ZNF705B: variants seen among roughly 807,000 people sequenced by gnomAD.
ZNF705B encodes the protein Putative zinc finger protein 705D-like protein LOC100132396.
In ZNF705B, 1 loss-of-function variant was observed where a neutral mutation model predicts 10.5. The observed-to-expected ratio is 0.10, with a 90% CI of 0.03 to 0.45. The LOEUF is 0.45. Ranked by LOEUF, ZNF705B falls within the 20% of genes least tolerant of loss-of-function variation. The probability of loss-of-function intolerance (pLI) is 0.97; values close to 1 mark genes in which losing one functional copy is unlikely to be tolerated. For synonymous variants in ZNF705B, 4 were observed against 25.4 expected (o/e 0.16, Z 2.53); for missense variants, 14 against 84.0 (o/e 0.17, Z 3.26).
chr8:7,928,088 C>G (rs543556320), intron 1 of ZNF705B, among the ~76,000 whole-genome samples: 1 of 119,704 alleles, frequency 8.4e-6, no homozygotes, highest in East Asian at 2.4e-4. Flanking sequence ...AGTCCAAGAT[C>G]AAGACACCGG....
chr8:7,931,304 T>A (rs1188721580), intron 2 of ZNF705B, among the ~76,000 whole-genome samples: 6 of 121,616 alleles, frequency 4.9e-5, no homozygotes, highest in African/African-American at 1.5e-4. Flanking sequence ...CATGGCAACA[T>A]GATGGACAGA....
At position 7,932,283 on chromosome 8, in the gene ZNF705B, C is replaced by T. The variant is rs547048881; in HGVS notation, c.-72+1847C>T. On this transcript the variant is annotated intron_variant, in intron 2 of 6. Coordinates refer to ENST00000400120, the MANE Select transcript of ZNF705B (RefSeq NM_001193630.1). ...TAAGCTGATTCTGGCTGGGCTGCTGCTTCATTTTCCTTTCCTTCCATGCCT... is the reference window on the plus strand; with the variant it reads ...TAAGCTGATTCTGGCTGGGCTGCTGTTTCATTTTCCTTTCCTTCCATGCCT... Among the ~76,000 whole-genome samples, 12 of 120,962 alleles carry T rather than the reference C, an allele frequency of 9.9e-5. 3 individuals are homozygous for T. The highest frequency in any genetic ancestry group is 2.0e-4 in the Non-Finnish European group (10 of 50,482). The allele number at this position is 120,962 out of a possible 152,430, so 79.4% of individuals were successfully genotyped here. A position where few individuals can be genotyped will look rare whatever the true frequency, so the allele number is the denominator to read the frequency against.
chr8:7,930,262 C>A (rs1206666136), intron 1 of ZNF705B, 25 bp from the exon 2 acceptor site: 1 of 111,084 alleles, frequency 9.0e-6, no homozygotes, highest in Non-Finnish European at 2.1e-5. Context: ...GTTAGTTTCC[C>A]AGCTGAATTC....
At chr8:7,930,846 G>GT (rs5889212) in intron 2 of ZNF705B, among the ~76,000 whole-genome samples, 8,190 of 71,320 alleles carry the variant, frequency 0.11, 884 homozygotes, top group African/African-American at 0.14. Flanking sequence ...TATTTTTTTT[G>GT]TTTTTTTTTT....
intron 2 of ZNF705B, among the ~76,000 whole-genome samples, chr8:7,937,009 G>C (rs1490209334): frequency 8.3e-6 from 1 of 120,072 alleles, no homozygotes; most frequent in African/African-American, 2.6e-5. Flanking sequence ...TGTAAACCTT[G>C]TGTATTGCAT....
intron 1 of ZNF705B, among the ~76,000 whole-genome samples, chr8:7,929,685 TGTC>T (rs1160951790): frequency 8.5e-6 from 1 of 117,568 alleles, no homozygotes; most frequent in African/African-American, 2.5e-5. Flanking sequence ...GCTGAATTGT[TGTC>T]GTTGTTGTTG....
chr8:7,930,138 C>T (rs1251289443), intron 1 of ZNF705B, 149 bp from the exon 2 acceptor site: 1 of 115,636 alleles, frequency 8.6e-6, no homozygotes, highest in East Asian at 2.5e-4. Context: ...ACTCCTCCCT[C>T]CACCCTCTAG....
chr8:7,931,701 T>A (rs531085382), intron 2 of ZNF705B, among the ~76,000 whole-genome samples: 1 of 130,238 alleles, frequency 7.7e-6, no homozygotes, highest in Non-Finnish European at 1.8e-5. Context: ...GTGGCCCTGC[T>A]CCTGGGGGTC....
intron 1 of ZNF705B, 94 bp from the exon 2 acceptor site, chr8:7,930,193 T>G (rs1819804629): frequency 1.7e-5 from 2 of 118,956 alleles, no homozygotes; most frequent in Non-Finnish European, 4.0e-5. Flanking sequence ...CCATGTCTGC[T>G]CAATGCTTAC....
At chr8:7,931,527 G>A (rs1416654737) in intron 2 of ZNF705B, among the ~76,000 whole-genome samples, 1 of 122,134 alleles carries the variant, frequency 8.2e-6, no homozygotes, top group African/African-American at 2.5e-5. Flanking sequence ...GCATGCACAG[G>A]TGCCAATGAC....
chr8:7,931,780 T>G (rs1426733231), intron 2 of ZNF705B, among the ~76,000 whole-genome samples: 26 of 130,886 alleles, frequency 2.0e-4, no homozygotes, highest in Non-Finnish European at 3.7e-4. Flanking sequence ...CTGCTTCAGC[T>G]CCCTTTGTTC....
At chr8:7,940,412 C>G (rs1434642020) in intron 2 of ZNF705B, among the ~76,000 whole-genome samples, 2 of 135,350 alleles carry the variant, frequency 1.5e-5, no homozygotes, top group Non-Finnish European at 3.3e-5. Context: ...AGTCCCCTCC[C>G]CTTTATTATT....
At chr8:7,936,905 A>G (rs1563081469) in intron 2 of ZNF705B, among the ~76,000 whole-genome samples, 4 of 119,528 alleles carry the variant, frequency 3.3e-5, no homozygotes, top group Admixed American at 2.9e-4. Context: ...ATTACAAAAG[A>G]CTTTTTAAAA....
chr8:7,936,530 A>G (rs1213503984), intron 2 of ZNF705B, among the ~76,000 whole-genome samples: 2 of 119,936 alleles, frequency 1.7e-5, no homozygotes, highest in Non-Finnish European at 4.0e-5. Context: ...GTCACGGAAT[A>G]CTATGCATCC....
chr8:7,926,795 C>T lies in ZNF705B; in HGVS notation c.-222+398C>T, dbSNP rs1441760606. Among the ~76,000 whole-genome samples the T allele has an allele frequency of 4.2e-5, 5 of 117,680 alleles. 1 individual carries two copies. The highest frequency in any genetic ancestry group is 6.1e-5 in the Non-Finnish European group (3 of 49,398). 77.2% of individuals were successfully genotyped at this position (117,680 alleles called of 152,430 possible). On this transcript the variant is annotated intron_variant, in intron 1 of 6. Transcript: ENST00000400120. ...TGCACGACCCTGTTCATTCTCTAAA[C>T]CTCAAGCTCTATTGCTGTCAAACAC... is the stretch of plus-strand genomic sequence containing the variant.
chr8:7,934,573 TG>T (rs1227896185), intron 2 of ZNF705B: 2 of 677,764 alleles, frequency 3.0e-6, no homozygotes, highest in African/African-American at 2.0e-5. Flanking sequence ...AATTTGCCCT[TG>T]GCTACATGCA....
chr8:7,940,216 C>G (rs1263179136), intron 2 of ZNF705B, among the ~76,000 whole-genome samples: 1 of 145,794 alleles, frequency 6.9e-6, no homozygotes, highest in Admixed American at 6.9e-5. Flanking sequence ...AAGGGAACAT[C>G]TACCCCTCCT....
At chr8:7,929,357 G>A (rs1819779942) in intron 1 of ZNF705B, among the ~76,000 whole-genome samples, 1 of 121,182 alleles carries the variant, frequency 8.3e-6, no homozygotes, top group African/African-American at 2.5e-5. Flanking sequence ...TGTTTAAAGG[G>A]TGGTTTTCTT....
chr8:7,936,836 A>G (rs535903581), intron 2 of ZNF705B, among the ~76,000 whole-genome samples: 8 of 119,742 alleles, frequency 6.7e-5, no homozygotes, highest in African/African-American at 2.0e-4. Context: ...CATGTAACAA[A>G]TCTGCACATG....
Sources: allele counts gnomAD v4.1 joint callset (sites outside exome capture counted in the v4.1 genomes callset), GRCh38; gene constraint gnomAD v4.1.1; transcripts MANE v1.5; gene names NCBI Gene and HGNC (gene_info 2026-07-23, HGNC 2026-07-21).